The following LUZP2 variants were observed in gnomAD, a reference collection of about 807,000 sequenced individuals.
The protein encoded by LUZP2 is leucine zipper protein 2.
In LUZP2, 52 loss-of-function variants were observed where a neutral mutation model predicts 51.6. The observed-to-expected ratio is 1.01, with a 90% CI of 0.81 to 1.27. The LOEUF (loss-of-function observed/expected upper bound fraction) is 1.27, where lower values mean the gene tolerates loss of function less well. Among genes scored for constraint, LUZP2 ranks in the 50% most tolerant of loss-of-function variants. The probability of loss-of-function intolerance (pLI) is 0.00; values close to 1 mark genes in which losing one functional copy is unlikely to be tolerated. For synonymous variants in LUZP2, 154 were observed against 137.3 expected (o/e 1.12, Z -0.85); for missense variants, 436 against 395.4 (o/e 1.10, Z -0.87).
Position 24,899,709 on chromosome 11 carries a change from T to C in LUZP2, c.397-6282T>C, listed in dbSNP as rs184551269. The stretch of plus-strand genomic sequence containing the variant: ...AAATTACCAGAGAGAAAGAGAGGCA[T>C]ATTATAATGTTAAAAGGGGCAATCC... On this transcript the variant is annotated intron_variant, in intron 5 of 11. Transcript: ENST00000336930. 1.1e-3 allele frequency among the ~76,000 whole-genome samples: 167 copies of C among 152,212 alleles called. 2 individuals are homozygous for C. Among genetic ancestry groups the C allele is most frequent in the Admixed American group, 0.011 (166 of 15,286 alleles).
chr11:24,919,606 A>G (rs1335904985), intron 7 of LUZP2, among the ~76,000 whole-genome samples: 5 of 146,778 alleles, frequency 3.4e-5, no homozygotes, highest in Non-Finnish European at 6.0e-5. Context: ...AATTTTATGT[A>G]GATATACCAA....
intron 1 of LUZP2, among the ~76,000 whole-genome samples, chr11:24,702,585 A>G (rs1857450144): frequency 6.6e-6 from 1 of 152,036 alleles, no homozygotes. Context: ...GAGGCCCCAG[A>G]CTCTTTGAAA....
chr11:24,931,488 A>G (rs1854450832), intron 7 of LUZP2, among the ~76,000 whole-genome samples: 2 of 152,162 alleles, frequency 1.3e-5, no homozygotes, highest in Non-Finnish European at 2.9e-5. Context: ...GGGGACTGGC[A>G]TTCAGCATAC....
At position 24,871,675 on chromosome 11, in the gene LUZP2, T is replaced by C. The variant is rs1852078810; in HGVS notation, c.397-34316T>C. Among the ~76,000 whole-genome samples the C allele has an allele frequency of 2.0e-5, 3 of 152,078 alleles. No homozygotes were observed. In the South Asian group the frequency reaches 6.2e-4, roughly 31 times the overall value. ...CAAATGTATTTAATCACAGAATTGT[T>C]TGTGATGTTATTTCTATGAATCTTT... On this transcript the variant is annotated intron_variant, in intron 5 of 11. Coordinates refer to ENST00000336930, the MANE Select transcript of LUZP2 (RefSeq NM_001009909.4).
intron 1 of LUZP2, among the ~76,000 whole-genome samples, chr11:24,577,114 C>T (rs1324224692): frequency 6.6e-6 from 1 of 150,576 alleles, no homozygotes; most frequent in African/African-American, 2.5e-5. Context: ...AACAATTTTA[C>T]TATGGTGAAT....
intron 5 of LUZP2, among the ~76,000 whole-genome samples, chr11:24,807,178 G>A (rs11028184): frequency 0.017 from 2,548 of 152,142 alleles, 75 homozygotes; most frequent in African/African-American, 0.058. Context: ...GGTTAAGGCC[G>A]GGTGCAGTAG....
intron 7 of LUZP2, among the ~76,000 whole-genome samples, chr11:24,927,081 A>C (rs11028285): frequency 0.38 from 56,845 of 150,870 alleles, 13,085 homozygotes; most frequent in East Asian, 0.72. Context: ...TTCTTAGCCA[A>C]ATTTTGATGG....
chr11:24,553,020 C>A (rs1054748900), intron 1 of LUZP2, among the ~76,000 whole-genome samples: 1 of 151,054 alleles, frequency 6.6e-6, no homozygotes, highest in East Asian at 1.9e-4. Context: ...ATGTGCCTTA[C>A]CAGACATTAA....
intron 5 of LUZP2, among the ~76,000 whole-genome samples, chr11:24,836,329 AT>A (rs1292027671): frequency 2.0e-5 from 3 of 151,874 alleles, no homozygotes; most frequent in South Asian, 2.1e-4. Context: ...AGTCTTTAAA[AT>A]TTTTTTATCC....
At chr11:24,854,065 G>A (rs964017358) in intron 5 of LUZP2, among the ~76,000 whole-genome samples, 4 of 152,158 alleles carry the variant, frequency 2.6e-5, no homozygotes, top group Non-Finnish European at 5.9e-5. Flanking sequence ...GACCCCTGCT[G>A]GGAGATGTCT....
At chr11:24,953,443 A>G (rs1042845021) in intron 7 of LUZP2, among the ~76,000 whole-genome samples, 2 of 151,972 alleles carry the variant, frequency 1.3e-5, no homozygotes, top group African/African-American at 2.4e-5. Flanking sequence ...TCCTCAGCAC[A>G]CTTGTCATTA....
In LUZP2 at chr11:24,918,294, G is replaced by A. The variant is rs189910781; in HGVS notation, c.522+3756G>A. 4.3e-4 allele frequency among the ~76,000 whole-genome samples: 66 copies of A among 152,154 alleles called. 1 individual carries two copies. In the East Asian group the frequency reaches 0.012, roughly 28 times the overall value. Reference sequence around the variant, plus strand: ...TGTCATCTGCAAAGAGGGATAATTTGACTTCTTCTTTTCCTAATTGAATAC... The same window carrying A: ...TGTCATCTGCAAAGAGGGATAATTTAACTTCTTCTTTTCCTAATTGAATAC... On this transcript the variant is annotated intron_variant, in intron 7 of 11. Transcript: ENST00000336930.
chr11:24,595,052 G>T (rs1051815261), intron 1 of LUZP2, among the ~76,000 whole-genome samples: 1 of 151,948 alleles, frequency 6.6e-6, no homozygotes, highest in African/African-American at 2.4e-5. Context: ...AAGCCACCAT[G>T]CCCATTGACC....
chr11:24,923,139 C>T lies in LUZP2; in HGVS notation c.522+8601C>T, dbSNP rs975395089. ...CTGGGATGACCGGCGTGAGCCACCG[C>T]GCCCGGCCAGCACAGTTATATCTTA... On this transcript the variant is annotated intron_variant, in intron 7 of 11. Transcript: ENST00000336930. Among the ~76,000 whole-genome samples, 39 of 151,916 alleles carry T rather than the reference C, an allele frequency of 2.6e-4. No individual in the cohort carries two copies. The East Asian group carries it at 3.5e-3, about 14-fold the overall frequency.
intron 7 of LUZP2, among the ~76,000 whole-genome samples, chr11:24,917,366 T>C (rs1853824403): frequency 6.6e-6 from 1 of 152,182 alleles, no homozygotes; most frequent in Admixed American, 6.5e-5. Context: ...ATTTTGACTT[T>C]TGTTGCCATT....
intron 1 of LUZP2, among the ~76,000 whole-genome samples, chr11:24,659,731 T>A (rs930207125): frequency 6.6e-6 from 1 of 152,108 alleles, no homozygotes. Flanking sequence ...AAAATATTTT[T>A]AAAATTGTGA....
At chr11:25,071,759 G>A (rs2134055692) in intron 10 of LUZP2, among the ~76,000 whole-genome samples, 1 of 151,670 alleles carries the variant, frequency 6.6e-6, no homozygotes, top group Non-Finnish European at 1.5e-5. Context: ...CATGGCACAT[G>A]TATACATATG....
At chr11:24,780,399 G>T (rs1024458262) in intron 5 of LUZP2, among the ~76,000 whole-genome samples, 10 of 152,032 alleles carry the variant, frequency 6.6e-5, no homozygotes, top group Admixed American at 6.6e-4. Flanking sequence ...GATCTTCCAC[G>T]CCTTGTTTTC....
intron 3 of LUZP2, among the ~76,000 whole-genome samples, chr11:24,733,318 T>C (rs1486199522): frequency 6.6e-6 from 1 of 151,872 alleles, no homozygotes; most frequent in Admixed American, 6.6e-5. Context: ...CAATATTATT[T>C]TAATTATTTC....
Sources: allele counts gnomAD v4.1 joint callset (sites outside exome capture counted in the v4.1 genomes callset), GRCh38; gene constraint gnomAD v4.1.1; transcripts MANE v1.5; gene names NCBI Gene and HGNC (gene_info 2026-07-23, HGNC 2026-07-21).